FBXO10: variants seen among roughly 807,000 people sequenced by gnomAD.
FBXO10 encodes the protein F-box only protein 10.
A neutral mutation model predicts 80.7 loss-of-function variants in FBXO10; 39 were observed. The ratio of observed to expected loss-of-function variants is 0.48; its 90% CI spans 0.37 to 0.63. The LOEUF is 0.63. Among genes scored for constraint, FBXO10 ranks in the 30% least tolerant of loss-of-function variants. The pLI, the probability that FBXO10 is intolerant of heterozygous loss-of-function variation, is 0.00. For synonymous variants in FBXO10, 449 were observed against 489.6 expected (o/e 0.92, Z 1.09); for missense variants, 1,025 against 1,269.0 (o/e 0.81, Z 2.92).
chr9:37,520,313 CTTTT>C (rs11309075), intron 8 of FBXO10, among the ~76,000 whole-genome samples: 1 of 110,936 alleles, frequency 9.0e-6, no homozygotes, highest in South Asian at 3.1e-4. Flanking sequence ...CTTCTACCAT[CTTTT>C]TTTTTTTTTT....
At chr9:37,565,718 G>A (rs755304605) in intron 1 of FBXO10, among the ~76,000 whole-genome samples, 4 of 152,166 alleles carry the variant, frequency 2.6e-5, no homozygotes, top group Non-Finnish European at 2.9e-5. Flanking sequence ...CCAATCACTC[G>A]TTAGAGAGGT....
At chr9:37,525,534 C>A (rs1055699322) in intron 5 of FBXO10, among the ~76,000 whole-genome samples, 1 of 152,086 alleles carries the variant, frequency 6.6e-6, no homozygotes, top group Non-Finnish European at 1.5e-5. Context: ...CTGTCATCTA[C>A]ATATATACCC....
At chr9:37,551,726 C>T (rs1822202901) in intron 1 of FBXO10, among the ~76,000 whole-genome samples, 1 of 152,224 alleles carries the variant, frequency 6.6e-6, no homozygotes, top group Admixed American at 6.5e-5. Flanking sequence ...GGTCACTTGG[C>T]CACACCCTTG....
intron 1 of FBXO10, among the ~76,000 whole-genome samples, chr9:37,567,608 G>A (rs1458242945): frequency 1.3e-5 from 2 of 152,146 alleles, no homozygotes; most frequent in East Asian, 1.9e-4. Context: ...ATATGTGATG[G>A]TGGGGCTAGA....
intron 1 of FBXO10, among the ~76,000 whole-genome samples, chr9:37,558,711 C>T (rs1211471915): frequency 6.6e-6 from 1 of 152,058 alleles, no homozygotes; most frequent in Non-Finnish European, 1.5e-5. Flanking sequence ...AATGTATCAC[C>T]CATTAGGTGA....
chr9:37,559,208 T>C (rs1942850613), intron 1 of FBXO10, among the ~76,000 whole-genome samples: 1 of 152,224 alleles, frequency 6.6e-6, no homozygotes, highest in Non-Finnish European at 1.5e-5. Flanking sequence ...ACCTGGGGCC[T>C]ATTCCTAGCT....
intron 1 of FBXO10, among the ~76,000 whole-genome samples, chr9:37,567,241 C>A (rs1822631537): frequency 6.6e-6 from 1 of 150,876 alleles, no homozygotes; most frequent in Non-Finnish European, 1.5e-5. Context: ...CTCCTGGGCT[C>A]AAGTGATCTT....
chr9:37,537,820 T>C lies in FBXO10; in HGVS notation c.709A>G (p.Asn237Asp), dbSNP rs1303086057. 6.2e-7 allele frequency: 1 copy of C among 1,613,836 alleles called. No homozygotes were observed. The highest frequency in any genetic ancestry group is 8.5e-7 in the Non-Finnish European group (1 of 1,179,876). Reference sequence around the variant, plus strand: ...TTTTCCAGGACACACAGGGGCACGTTGTGCAGGAAGATATGGGTGTTTTTG... The same window carrying C: ...TTTTCCAGGACACACAGGGGCACGTCGTGCAGGAAGATATGGGTGTTTTTG... Reference protein sequence around the residue: ...TFKNTHIFLHNVPLCVLENCE... With the variant: ...TFKNTHIFLHDVPLCVLENCE... The change falls in exon 3 of 11, where the codon AAC (asparagine) becomes GAC (aspartate). Residue 237 changes from asparagine (N) to aspartate (D), a missense_variant. Around this residue, in one of 3 missense-constraint regions of FBXO10, gnomAD observed 450 missense variants for 499.4 expected, o/e 0.90. Coordinates refer to ENST00000432825, the MANE Select transcript of FBXO10 (RefSeq NM_012166.3).
At chr9:37,534,942 C>G (rs1821720659) in intron 3 of FBXO10, among the ~76,000 whole-genome samples, 1 of 152,170 alleles carries the variant, frequency 6.6e-6, no homozygotes, top group Non-Finnish European at 1.5e-5. Context: ...ACCACAGACA[C>G]AGCACCTACC....
At chr9:37,542,897 TA>T (rs1205182221) in intron 1 of FBXO10, among the ~76,000 whole-genome samples, 2 of 152,232 alleles carry the variant, frequency 1.3e-5, no homozygotes, top group African/African-American at 2.4e-5. Flanking sequence ...TCTGGACTTC[TA>T]AGAGGGAACC....
At chr9:37,517,069 G>A (rs1588820259) in intron 9 of FBXO10, among the ~76,000 whole-genome samples, 1 of 152,084 alleles carries the variant, frequency 6.6e-6, no homozygotes, top group East Asian at 1.9e-4. Flanking sequence ...TGGACTTGGA[G>A]GCCATTATTC....
intron 2 of FBXO10, 84 bp from the exon 3 acceptor site, chr9:37,538,027 T>C (rs1176611831): frequency 6.7e-6 from 7 of 1,051,554 alleles, no homozygotes; most frequent in Middle Eastern, 2.3e-4. Context: ...GGGTAGAACA[T>C]GGAAAGGCCA....
At chr9:37,528,346 A>G (rs2119083565) in intron 5 of FBXO10, among the ~76,000 whole-genome samples, 1 of 152,236 alleles carries the variant, frequency 6.6e-6, no homozygotes, top group South Asian at 2.1e-4. Flanking sequence ...GACCATCCCA[A>G]TTTAAAATAT....
chr9:37,519,003 G>A (rs1266461963), intron 8 of FBXO10, among the ~76,000 whole-genome samples: 6 of 150,780 alleles, frequency 4.0e-5, no homozygotes, highest in Non-Finnish European at 8.8e-5. Context: ...TCCGCCTCCC[G>A]GGTTCACACC....
At position 37,516,110 on chromosome 9, in the gene FBXO10, C is replaced by T. The variant is rs777900986; in HGVS notation, c.2515-25G>A. On this transcript the variant is annotated intron_variant, in intron 9 of 10. Transcript: ENST00000432825. ...CCTGGGAGAGGCAGCCAGAGATTGTCACACCTCAGGGATTCACAGACTGAG... is the reference window on the plus strand; with the variant it reads ...CCTGGGAGAGGCAGCCAGAGATTGTTACACCTCAGGGATTCACAGACTGAG... The T allele has an allele frequency of 4.4e-6, 7 of 1,603,654 alleles. No homozygotes were observed. The Admixed American group carries it at 5.2e-5, about 12-fold the overall frequency.
Position 37,522,925 on chromosome 9 carries a change from C to A in FBXO10, c.1830G>T (p.Gly610=). 1.3e-6 allele frequency: 2 copies of A among 1,587,398 alleles called. No homozygotes were observed. Among genetic ancestry groups the A allele is most frequent in the Non-Finnish European group, 1.7e-6 (2 of 1,167,120 alleles). The stretch of plus-strand genomic sequence containing the variant: ...TGAGGTTACTCCTGAGAACGGGGAT[C>A]CCTCCACGGCGGATGTCCACACCTC... ...QWGGVDIRRG[G]IPVLRSNLIC... Residue 610 remains glycine, a synonymous_variant, in exon 7 of 11, where the codon GGG becomes GGT. Coordinates refer to ENST00000432825, the MANE Select transcript of FBXO10 (RefSeq NM_012166.3).
chr9:37,538,487 C>G lies in FBXO10; in HGVS notation c.586-544G>C, dbSNP rs185928658. On this transcript the variant is annotated intron_variant, in intron 2 of 10. Transcript: ENST00000432825. ...CGTTGGAAGGCCAAGATGGGCAGATCACTTGAGGTCAGGAGTTCGAGACCA... is the reference window on the plus strand; with the variant it reads ...CGTTGGAAGGCCAAGATGGGCAGATGACTTGAGGTCAGGAGTTCGAGACCA... Among the ~76,000 whole-genome samples the G allele has an allele frequency of 1.4e-4, 22 of 152,220 alleles. No homozygotes were observed. In the East Asian group the frequency reaches 4.1e-3, roughly 28 times the overall value.
In FBXO10 at chr9:37,537,496, C is replaced by T. The variant is rs764985262; in HGVS notation, c.1033G>A (p.Glu345Lys). 1 of 1,611,026 alleles carries T rather than the reference C, an allele frequency of 6.2e-7. No individual in the cohort carries two copies. The highest frequency in any genetic ancestry group is 1.3e-5 in the African/African-American group (1 of 75,016). ...CTGTCCGGGGTCTGGGCCACCCTTTCACCATCACTACCCACCTCTGCCTCC... is the reference window on the plus strand; with the variant it reads ...CTGTCCGGGGTCTGGGCCACCCTTTTACCATCACTACCCACCTCTGCCTCC... ...SQEAEVGSDG[E>K]RVAQTPDSSD... Residue 345 changes from glutamate (E) to lysine (K), a missense_variant, in exon 3 of 11, where the codon GAA becomes AAA. Physicochemically the swap from Glu to Lys is moderately conservative, Grantham distance 56. This residue lies in a region of FBXO10 where 450 missense variants were observed against 499.4 expected (regional missense o/e 0.90). Transcript: ENST00000432825.
At chr9:37,534,756 T>C (rs1821715290) in intron 3 of FBXO10, among the ~76,000 whole-genome samples, 2 of 152,150 alleles carry the variant, frequency 1.3e-5, no homozygotes, top group Admixed American at 1.3e-4. Context: ...TAAGCCCCTC[T>C]CCTGTGTTCT....
Sources: allele counts gnomAD v4.1 joint callset (sites outside exome capture counted in the v4.1 genomes callset), GRCh38; gene constraint gnomAD v4.1.1; regional missense constraint gnomAD v4.1.1; transcripts MANE v1.5; gene names NCBI Gene and HGNC (gene_info 2026-07-23, HGNC 2026-07-21).